SPATA17: variants seen among roughly 807,000 people sequenced by gnomAD.
SPATA17 encodes the protein spermatogenesis associated 17, also known as spermatogenesis-associated protein 17.
Under a neutral mutation model 62.2 loss-of-function variants are expected in SPATA17, and 53 were observed. The ratio of observed to expected loss-of-function variants is 0.85; its 90% confidence interval spans 0.68 to 1.07. The LOEUF (loss-of-function observed/expected upper bound fraction) is 1.07. Ranked by LOEUF, SPATA17 falls within the 50% of genes least tolerant of loss-of-function variation. SPATA17 has a pLI of 0.00. For synonymous variants in SPATA17, 146 were observed against 146.8 expected, an observed-to-expected ratio of 0.99 and a Z score of 0.04; for missense variants, 466 against 425.5, an observed-to-expected ratio of 1.10 and a Z score of -0.84.
intron 9 of SPATA17, among the ~76,000 whole-genome samples, chr1:217,840,927 A>C (rs1675380150): frequency 6.6e-6 from 1 of 151,978 alleles, no homozygotes; most frequent in Non-Finnish European, 1.5e-5. Context: ...AATTGAGGAA[A>C]TATATGTGGA....
chr1:217,820,335 A>G (rs1010223827), intron 9 of SPATA17, among the ~76,000 whole-genome samples: 1 of 152,104 alleles, frequency 6.6e-6, no homozygotes, highest in Non-Finnish European at 1.5e-5. Flanking sequence ...TAGAGAGGCC[A>G]GAATGAATGG....
At chr1:217,836,631 G>T (rs1274813449) in intron 9 of SPATA17, among the ~76,000 whole-genome samples, 1 of 152,058 alleles carries the variant, frequency 6.6e-6, no homozygotes, top group Non-Finnish European at 1.5e-5. Flanking sequence ...TCTCCCTAGT[G>T]GCCTATGGCT....
chr1:217,782,983 G>C (rs1673767797), intron 8 of SPATA17, among the ~76,000 whole-genome samples: 1 of 151,056 alleles, frequency 6.6e-6, no homozygotes, highest in South Asian at 2.1e-4. Context: ...TCATTATTCT[G>C]TAATGTCTCA....
chr1:217,714,121 C>T (rs1371599891), intron 5 of SPATA17, among the ~76,000 whole-genome samples: 10 of 152,118 alleles, frequency 6.6e-5, no homozygotes, highest in African/African-American at 2.4e-4. Context: ...GGCACGGTGG[C>T]TCACGCCTAT....
intron 9 of SPATA17, among the ~76,000 whole-genome samples, chr1:217,810,768 G>T (rs1253731609): frequency 6.6e-6 from 1 of 152,136 alleles, no homozygotes; most frequent in Non-Finnish European, 1.5e-5. Context: ...GGGGAAGCAG[G>T]CATGTCTTAC....
chr1:217,749,977 C>G (rs868509088), intron 6 of SPATA17, among the ~76,000 whole-genome samples: 1 of 35,700 alleles, frequency 2.8e-5, no homozygotes, highest in African/African-American at 1.1e-4. Flanking sequence ...CTCTCTCTCT[C>G]TCTCTCTCTA....
In SPATA17 at chr1:217,733,926, T is replaced by C. The variant is rs113897153; in HGVS notation, c.396-8049T>C. On this transcript the variant is annotated intron_variant, in intron 5 of 10. Transcript: ENST00000366933. ...ATTTCATTTTAAACGTATTTTCCCT[T>C]TGTGAAGGGCTGCCCTAATGGAATT... 3.1e-3 allele frequency among the ~76,000 whole-genome samples: 479 copies of C among 152,254 alleles called. 3 individuals are homozygous for C. The highest frequency in any genetic ancestry group is 0.011 in the African/African-American group (455 of 41,554).
At chr1:217,720,937 C>A (rs1672112675) in intron 5 of SPATA17, among the ~76,000 whole-genome samples, 1 of 152,116 alleles carries the variant, frequency 6.6e-6, no homozygotes, top group South Asian at 2.1e-4. Flanking sequence ...TTGATAGTCA[C>A]TGAATCTGTG....
At chr1:217,684,135 G>A (rs898290800) in intron 5 of SPATA17, among the ~76,000 whole-genome samples, 7 of 152,270 alleles carry the variant, frequency 4.6e-5, no homozygotes, top group African/African-American at 1.4e-4. Context: ...TAGGAGGATA[G>A]GACATAGATT....
At chr1:217,814,331 A>G (rs938276842) in intron 9 of SPATA17, among the ~76,000 whole-genome samples, 3 of 152,202 alleles carry the variant, frequency 2.0e-5, no homozygotes, top group Admixed American at 1.3e-4. Flanking sequence ...TAATAGCTGT[A>G]CAGCTCTGAA....
In SPATA17 at chr1:217,860,952, A is replaced by G. The variant is rs193238947; in HGVS notation, c.1006-1822A>G. ...TAGTTTTAAACATTTTATATTATTT[A>G]ATTTTCTTTCACTCAGCATATCAAA... On this transcript the variant is annotated intron_variant, in intron 9 of 10. Transcript: ENST00000366933. 8.5e-5 allele frequency among the ~76,000 whole-genome samples: 13 copies of G among 152,136 alleles called. No individual in the cohort carries two copies. In the East Asian group the frequency reaches 1.9e-3, roughly 23 times the overall value.
chr1:217,822,086 A>G (rs1301102405), intron 9 of SPATA17, among the ~76,000 whole-genome samples: 2 of 152,062 alleles, frequency 1.3e-5, no homozygotes, highest in South Asian at 4.1e-4. Context: ...TAAAATGTCA[A>G]TTATGCCACC....
intron 5 of SPATA17, among the ~76,000 whole-genome samples, chr1:217,696,447 C>G (rs1001820305): frequency 5.9e-5 from 9 of 152,184 alleles, no homozygotes; most frequent in Non-Finnish European, 1.0e-4. Flanking sequence ...AGAAATCACC[C>G]GTCTTCTGCG....
At position 217,742,226 on chromosome 1, in the gene SPATA17, A is replaced by G. The variant is rs1245846795; in HGVS notation, c.519+128A>G. 18 of 1,270,046 alleles carry G rather than the reference A, an allele frequency of 1.4e-5. No individual in the cohort carries two copies. The East Asian group carries it at 3.8e-4, about 26-fold the overall frequency. The allele number at this position is 1,270,046 out of a possible 1,614,324, so 78.7% of individuals were successfully genotyped here. The stretch of plus-strand genomic sequence containing the variant: ...TCACAAAGACACTACTTCGAGTTCA[A>G]TTTCGTGCTTCTGTGTAGGTGCGCG... On this transcript the variant is annotated intron_variant, in intron 6 of 10. Coordinates refer to ENST00000366933, the MANE Select transcript of SPATA17 (RefSeq NM_138796.4).
intron 9 of SPATA17, among the ~76,000 whole-genome samples, chr1:217,855,718 C>T (rs561755252): frequency 7.3e-6 from 1 of 136,798 alleles, no homozygotes; most frequent in South Asian, 2.3e-4. Context: ...AAGAGAAAGA[C>T]AGAAGGAACT....
chr1:217,807,943 A>T (rs186665144), intron 9 of SPATA17, among the ~76,000 whole-genome samples: 4 of 152,306 alleles, frequency 2.6e-5, no homozygotes, highest in Admixed American at 6.5e-5. Context: ...ACAAGAGAAA[A>T]ACCCAGTCAA....
intron 8 of SPATA17, among the ~76,000 whole-genome samples, chr1:217,791,649 C>G (rs770366428): frequency 9.9e-5 from 15 of 152,152 alleles, no homozygotes; most frequent in Non-Finnish European, 2.1e-4. Context: ...CAGTGATATG[C>G]TTGAGAATAT....
chr1:217,667,946 G>T (rs1193473414), intron 3 of SPATA17, among the ~76,000 whole-genome samples: 1 of 152,190 alleles, frequency 6.6e-6, no homozygotes, highest in East Asian at 1.9e-4. Flanking sequence ...AAATAATCCA[G>T]CCCTGCTGCT....
intron 3 of SPATA17, among the ~76,000 whole-genome samples, chr1:217,664,799 G>A (rs1215987094): frequency 2.0e-5 from 3 of 152,112 alleles, no homozygotes; most frequent in African/African-American, 7.2e-5. Context: ...TGGTTTGAAA[G>A]TACCCTTTGG....
Sources: gnomAD v4.1 joint callset for allele counts (sites outside exome capture counted in the v4.1 genomes callset) on GRCh38, gnomAD v4.1.1 for gene constraint, MANE v1.5 for transcripts, NCBI Gene and HGNC (gene_info 2026-07-23, HGNC 2026-07-21) for gene names.